The following PDE4DIP variants were observed in gnomAD, a reference collection of about 807,000 sequenced individuals.
PDE4DIP encodes myomegalin.
In PDE4DIP, 59 loss-of-function variants were observed where a neutral mutation model predicts 221.4. That is an observed-to-expected ratio of 0.27 (90% CI 0.22 to 0.33). PDE4DIP has a LOEUF of 0.33. Among genes scored for constraint, PDE4DIP ranks in the 10% least tolerant of loss-of-function variants. PDE4DIP has a pLI of 1.00. For synonymous variants in PDE4DIP, 404 were observed against 815.9 expected, an observed-to-expected ratio of 0.50 and a Z score of 8.60; for missense variants, 1,036 against 2,154.2, an observed-to-expected ratio of 0.48 and a Z score of 10.28.
intron 1 of PDE4DIP, among the ~76,000 whole-genome samples, chr1:148,912,299 C>T (rs2149860010): frequency 6.8e-6 from 1 of 146,792 alleles, no homozygotes; most frequent in Admixed American, 6.7e-5. Context: ...GTTTGCATTG[C>T]CACTTGCTAT....
chr1:149,028,632 G>T, exon 41 of PDE4DIP: 1 of 1,603,098 alleles, frequency 6.2e-7, no homozygotes, highest in Non-Finnish European at 8.5e-7. Context: ...AGAGGAGTCA[G>T]CTTCCCTCCT....
intron 1 of PDE4DIP, 24 bp from the exon 5 acceptor site, chr1:148,929,173 G>A (rs377389232): frequency 1.0e-4 from 165 of 1,612,480 alleles, no homozygotes; most frequent in Middle Eastern, 3.3e-4. Flanking sequence ...AGTTAATAAC[G>A]ATTAATGCCT....
chr1:148,824,327 A>G (rs1553363694), intron 1 of PDE4DIP, among the ~76,000 whole-genome samples: 1 of 150,460 alleles, frequency 6.6e-6, no homozygotes, highest in African/African-American at 2.5e-5. Flanking sequence ...TCTGCTTATA[A>G]CATGGTAGCT....
intron 5 of PDE4DIP, among the ~76,000 whole-genome samples, chr1:148,956,533 C>T (rs1265037552): frequency 6.6e-6 from 1 of 152,132 alleles, no homozygotes; most frequent in Non-Finnish European, 1.5e-5. Flanking sequence ...GTTCAGATAT[C>T]TAAAGAAAGG....
chr1:148,982,585 GA>G (rs1288216285), intron 21 of PDE4DIP: 1 of 152,198 alleles, frequency 6.6e-6, no homozygotes, highest in Non-Finnish European at 1.5e-5. Flanking sequence ...TGTCAAGTGT[GA>G]AAAGTAACCA....
intron 32 of PDE4DIP, among the ~76,000 whole-genome samples, chr1:149,015,434 G>A (rs1278389631): frequency 2.6e-5 from 4 of 151,946 alleles, no homozygotes; most frequent in African/African-American, 9.7e-5. Context: ...CTATTCTGCT[G>A]CCCATGTTCA....
At chr1:149,019,466 TTTAA>T (rs761464084) in intron 35 of PDE4DIP, 4 of 151,918 alleles carry the variant, frequency 2.6e-5, no homozygotes, top group East Asian at 3.9e-4. Context: ...AATTAATTAA[TTTAA>T]TTAATTGATT....
rs1222721834 is a variant in PDE4DIP, at chr1:148,857,384, C to T, written c.234-5866C>T. Among the ~76,000 whole-genome samples, 31 of 22,050 alleles carry T rather than the reference C, an allele frequency of 1.4e-3. 7 individuals carry two copies. The East Asian group carries it at 0.19, about 132-fold the overall frequency. 14.5% of individuals were successfully genotyped at this position (22,050 alleles called of 152,430 possible). A position where few individuals can be genotyped will look rare whatever the true frequency, so the allele number is the denominator to read the frequency against. On this transcript the variant is annotated intron_variant, in intron 1 of 45. Coordinates refer to the PDE4DIP transcript ENST00000524974. Reference sequence around the variant, plus strand: ...CTTTTTTTTTTTTTTTTTTTTGAGACGGAGTCTCGCTCTGTCGCCCAGGCC... The same window carrying T: ...CTTTTTTTTTTTTTTTTTTTTGAGATGGAGTCTCGCTCTGTCGCCCAGGCC...
At chr1:149,023,606 G>A (rs1433423593) in intron 37 of PDE4DIP, among the ~76,000 whole-genome samples, 2 of 144,618 alleles carry the variant, frequency 1.4e-5, no homozygotes, top group East Asian at 4.3e-4. Flanking sequence ...ACATGTATAT[G>A]TGTGCACATA....
At chr1:148,969,704 A>G (rs1383119091) in intron 14 of PDE4DIP, among the ~76,000 whole-genome samples, 8 of 148,706 alleles carry the variant, frequency 5.4e-5, no homozygotes, top group African/African-American at 2.0e-4. Flanking sequence ...TAAGAAGTAA[A>G]TTCTTTTTTT....
chr1:148,989,841 A>G (rs2062664493), intron 21 of PDE4DIP, among the ~76,000 whole-genome samples: 1 of 152,220 alleles, frequency 6.6e-6, no homozygotes, highest in South Asian at 2.1e-4. Flanking sequence ...TCCTAGGTAA[A>G]TTAGTATCCT....
intron 23 of PDE4DIP, chr1:148,999,197 C>T (rs1250426180): frequency 6.9e-6 from 1 of 145,884 alleles, no homozygotes; most frequent in Non-Finnish European, 1.5e-5. Context: ...GCCACTCTGT[C>T]TTTGATGGCT....
chr1:148,877,196 T>G (rs1691800672), intron 3 of PDE4DIP, among the ~76,000 whole-genome samples: 2 of 149,798 alleles, frequency 1.3e-5, no homozygotes, highest in South Asian at 4.2e-4. Flanking sequence ...AATTTAAGAT[T>G]AAACAAAACA....
At chr1:148,930,641 C>T (rs1265488200) in intron 2 of PDE4DIP, 1 of 150,298 alleles carries the variant, frequency 6.7e-6, no homozygotes, top group African/African-American at 2.4e-5. Context: ...ATACATCTAA[C>T]CAAGGAGGTG....
chr1:148,905,113 T>C (rs587762002), intron 1 of PDE4DIP, among the ~76,000 whole-genome samples: 3 of 142,634 alleles, frequency 2.1e-5, no homozygotes, highest in African/African-American at 7.9e-5. Flanking sequence ...GTTCAGAGTA[T>C]CTAATTCTTC....
chr1:148,958,295 C>T (rs1167441517), intron 5 of PDE4DIP, among the ~76,000 whole-genome samples: 1 of 151,362 alleles, frequency 6.6e-6, no homozygotes, highest in Non-Finnish European at 1.5e-5. Flanking sequence ...CTACTATTGT[C>T]TTTCACCTGC....
At chr1:148,822,232 C>T (rs1463500921) in intron 1 of PDE4DIP, among the ~76,000 whole-genome samples, 3 of 119,792 alleles carry the variant, frequency 2.5e-5, no homozygotes, top group South Asian at 3.1e-4. Flanking sequence ...GTAGCGCCCA[C>T]GGTGGGAGGG....
chr1:148,952,461 A>C, intron 5 of PDE4DIP: 1 of 1,086,334 alleles, frequency 9.2e-7, no homozygotes, highest in African/African-American at 1.6e-5. Flanking sequence ...GACGTTGAGG[A>C]CGCGGCGGCT....
chr1:148,995,895 A>G (rs868945469), intron 22 of PDE4DIP, among the ~76,000 whole-genome samples: 1 of 150,142 alleles, frequency 6.7e-6, no homozygotes, highest in East Asian at 1.9e-4. Flanking sequence ...AAATAAAAAA[A>G]GAAATAAAAA....
Sources: gnomAD v4.1 joint callset for allele counts (sites outside exome capture counted in the v4.1 genomes callset) on GRCh38, gnomAD v4.1.1 for gene constraint, MANE v1.5 for transcripts, NCBI Gene and HGNC (gene_info 2026-07-23, HGNC 2026-07-21) for gene names.